MARK2: variants seen among roughly 807,000 people sequenced by gnomAD.
The protein encoded by MARK2 is microtubule affinity regulating kinase 2.
In MARK2, 16 loss-of-function variants were observed where a neutral mutation model predicts 89.8. The ratio of observed to expected loss-of-function variants is 0.18; its 90% CI spans 0.12 to 0.27. The LOEUF (loss-of-function observed/expected upper bound fraction) is 0.27. Ranked by LOEUF, MARK2 falls within the 10% of genes least tolerant of loss-of-function variation. The pLI is 1.00. For synonymous variants in MARK2, 382 were observed against 399.5 expected (o/e 0.96, Z 0.52); for missense variants, 621 against 1,049.9 (o/e 0.59, Z 5.65).
At chr11:63,840,872 CTA>C (rs2015979573) in intron 1 of MARK2, among the ~76,000 whole-genome samples, 1 of 152,186 alleles carries the variant, frequency 6.6e-6, no homozygotes, top group African/African-American at 2.4e-5. Context: ...GCAGTCACTG[CTA>C]TGTTTTTCAC....
At position 63,839,286 on chromosome 11, in the gene MARK2, C is replaced by CG. The variant is rs1168607657; in HGVS notation, c.-214dup. 12 of 319,564 alleles carry CG rather than the reference C, an allele frequency of 3.8e-5. No homozygotes were observed. The highest frequency in any genetic ancestry group is 1.0e-4 in the Admixed American group (2 of 19,978). The allele number at this position is 319,564 out of a possible 1,614,324, so 19.8% of individuals were successfully genotyped here. A position where few individuals can be genotyped will look rare whatever the true frequency, so the allele number is the denominator to read the frequency against. On this transcript the variant is annotated 5_prime_UTR_variant, in exon 1 of 19. Coordinates refer to ENST00000402010, the MANE Select transcript of MARK2 (RefSeq NM_001039469.3). ...AAGGCGGCACAGCCCAGCCGGGGGT[C>CG]GGGGGGGTGCGGTCCGGAGCCGCTC... is the stretch of plus-strand genomic sequence containing the variant.
At chr11:63,893,487 A>G (rs1477457573) in intron 1 of MARK2, among the ~76,000 whole-genome samples, 2 of 151,458 alleles carry the variant, frequency 1.3e-5, no homozygotes, top group East Asian at 3.9e-4. Flanking sequence ...CTTTTTGACT[A>G]TTATGGATTA....
At chr11:63,885,396 G>T (rs376339543) in intron 1 of MARK2, among the ~76,000 whole-genome samples, 1 of 151,726 alleles carries the variant, frequency 6.6e-6, no homozygotes, top group Non-Finnish European at 1.5e-5. Context: ...AAAATTAGCC[G>T]GGCGTATTGC....
At chr11:63,886,840 T>C (rs886334208) in intron 1 of MARK2, among the ~76,000 whole-genome samples, 2 of 152,240 alleles carry the variant, frequency 1.3e-5, no homozygotes, top group Non-Finnish European at 2.9e-5. Flanking sequence ...ACAAATAGGA[T>C]TGAGGAAACA....
chr11:63,898,488 G>A (rs1434526265), intron 4 of MARK2, 120 bp from the exon 5 acceptor site: 54 of 916,084 alleles, frequency 5.9e-5, no homozygotes, highest in Non-Finnish European at 8.5e-5. Flanking sequence ...CTTGTTCTTG[G>A]GAGTGGGGGA....
In MARK2 at chr11:63,909,457, TTCTCC is replaced by T. The variant is rs1941610540; in HGVS notation, c.*226_*230del. The T allele has an allele frequency of 8.8e-6, 4 of 453,138 alleles. No individual in the cohort carries two copies. In the South Asian group the frequency reaches 1.5e-4, roughly 18 times the overall value. 28.1% of individuals were successfully genotyped at this position (453,138 alleles called of 1,614,324 possible). On this transcript the variant is annotated 3_prime_UTR_variant, in exon 19 of 19. Coordinates refer to ENST00000402010, the MANE Select transcript of MARK2 (RefSeq NM_001039469.3). ...TTCACCCCTGCCCAGAGATTCCCCC[TTCTCC>T]TCTCCCCTACTGGAGGCAAAGGAAG...
At chr11:63,890,456 C>G (rs1939752530) in intron 1 of MARK2, among the ~76,000 whole-genome samples, 1 of 152,208 alleles carries the variant, frequency 6.6e-6, no homozygotes, top group South Asian at 2.1e-4. Context: ...TTTCCCTGTC[C>G]TGGATACCCA....
In MARK2 at chr11:63,908,898, C is replaced by G; in HGVS notation, c.2028C>G (p.Gly676=). The change falls in exon 19 of 19, where the codon GGC becomes GGG. Residue 676 remains glycine, a synonymous_variant. Transcript: ENST00000402010. ...ETLRPHVVGS[G]GNDKEKEEFR... ...ACAGACCTCACGTGGTGGGCAGTGG[C>G]GGCAACGACAAAGAAAAGGAAGAAT... 1 of 1,507,528 alleles carries G rather than the reference C, an allele frequency of 6.6e-7. No homozygotes were observed. The highest frequency in any genetic ancestry group is 8.9e-7 in the Non-Finnish European group (1 of 1,121,830). 93.4% of individuals were successfully genotyped at this position (1,507,528 alleles called of 1,614,324 possible). A position where few individuals can be genotyped will look rare whatever the true frequency, so the allele number is the denominator to read the frequency against.
chr11:63,854,970 C>CTATT (rs2016769050), intron 1 of MARK2, among the ~76,000 whole-genome samples: 1 of 152,198 alleles, frequency 6.6e-6, no homozygotes, highest in Admixed American at 6.5e-5. Flanking sequence ...GATGGACAAA[C>CTATT]TAGAGTTGTT....
chr11:63,863,552 C>T (rs574043197), intron 1 of MARK2, among the ~76,000 whole-genome samples: 45 of 149,270 alleles, frequency 3.0e-4, no homozygotes, highest in African/African-American at 1.1e-3. Flanking sequence ...GCAACCTCTG[C>T]CTCCTGGGTT....
chr11:63,893,031 C>T (rs1001081681), intron 1 of MARK2, among the ~76,000 whole-genome samples: 1 of 151,288 alleles, frequency 6.6e-6, no homozygotes, highest in Non-Finnish European at 1.5e-5. Flanking sequence ...GCCTCAGCCT[C>T]CCTAGTAGCT....
Position 63,856,768 on chromosome 11 carries a change from G to GT in MARK2, c.54+17245dup, listed in dbSNP as rs71039681. On this transcript the variant is annotated intron_variant, in intron 1 of 18. Coordinates refer to ENST00000402010, the MANE Select transcript of MARK2 (RefSeq NM_001039469.3). ...TTTTTTCCATTTTTAAATTTTTCAT[G>GT]TTTTTTTTTTTTTTTTTTTTTTTTT... 1.3e-3 allele frequency among the ~76,000 whole-genome samples: 72 copies of GT among 53,806 alleles called. 19 individuals are homozygous for GT. Among genetic ancestry groups the GT allele is most frequent in the Non-Finnish European group, 2.1e-3 (64 of 30,958 alleles). The allele number at this position is 53,806 out of a possible 152,430, so 35.3% of individuals were successfully genotyped here.
At chr11:63,894,682 G>A (rs1288051618) in intron 1 of MARK2, among the ~76,000 whole-genome samples, 3 of 152,184 alleles carry the variant, frequency 2.0e-5, no homozygotes, top group African/African-American at 4.8e-5. Context: ...GGCAACAAGA[G>A]TAAAGCTCTG....
chr11:63,847,977 C>T (rs1334779600), intron 1 of MARK2, among the ~76,000 whole-genome samples: 1 of 152,148 alleles, frequency 6.6e-6, no homozygotes, highest in Non-Finnish European at 1.5e-5. Context: ...TCCAGGCCTG[C>T]TGGGAAAGAA....
rs754677394 is a variant in MARK2 at position 63,892,138 on chromosome 11, AG to A, written c.55-3019del. 3.3e-5 allele frequency among the ~76,000 whole-genome samples: 5 copies of A among 152,180 alleles called. No individual in the cohort carries two copies. The East Asian group carries it at 5.8e-4, about 18-fold the overall frequency. On this transcript the variant is annotated intron_variant, in intron 1 of 18. Transcript: ENST00000402010. Reference sequence around the variant, plus strand: ...GCTGGGGGGCTTCATGGAGATGCAAAGGTTGATGAGGAAGAGAGAAGGAAGT... The same window carrying A: ...GCTGGGGGGCTTCATGGAGATGCAAAGTTGATGAGGAAGAGAGAAGGAAGT...
At position 63,902,648 on chromosome 11, in the gene MARK2, C is replaced by G; in HGVS notation, c.1282C>G (p.Gln428Glu). Residue 428 changes from glutamine (Q) to glutamate (E), a missense_variant, in exon 13 of 19, where the codon CAG (glutamine) becomes GAG (glutamate). By Grantham distance (29) the Gln-to-Glu change is conservative. Transcript: ENST00000402010. The surrounding 1 kb of genome is among the most constrained non-coding windows in gnomAD (Gnocchi z 4.2). ...CTCTAATTCTTACTCTAAGAAGACT[C>G]AGAGTAACAACGCAGAAAATAAGCG... The part of the protein sequence containing the change: ...PTSNSYSKKT[Q>E]SNNAENKRPE... 2.5e-6 allele frequency: 4 copies of G among 1,614,130 alleles called. No homozygotes were observed. Among genetic ancestry groups the G allele is most frequent in the Non-Finnish European group, 3.4e-6 (4 of 1,179,994 alleles).
intron 1 of MARK2, among the ~76,000 whole-genome samples, chr11:63,879,090 A>C (rs1317014762): frequency 1.3e-5 from 2 of 152,140 alleles, no homozygotes; most frequent in Admixed American, 6.5e-5. Flanking sequence ...AGATCACTTG[A>C]GGACAGGAGT....
intron 18 of MARK2, 29 bp from the exon 19 acceptor site, chr11:63,908,848 C>CT: frequency 1.4e-6 from 2 of 1,435,284 alleles, no homozygotes; most frequent in Non-Finnish European, 1.8e-6. Flanking sequence ...TCAGCCCCCC[C>CT]GTGACGCCCG....
intron 1 of MARK2, among the ~76,000 whole-genome samples, chr11:63,843,518 T>C (rs2016123636): frequency 6.6e-6 from 1 of 152,146 alleles, no homozygotes; most frequent in Non-Finnish European, 1.5e-5. Context: ...TTAGAAGTAC[T>C]GGTGAAGAAA....
Sources: allele counts gnomAD v4.1 joint callset (sites outside exome capture counted in the v4.1 genomes callset), GRCh38; gene constraint gnomAD v4.1.1; non-coding constraint Gnocchi (gnomAD v3.1); transcripts MANE v1.5; gene names NCBI Gene and HGNC (gene_info 2026-07-23, HGNC 2026-07-21).